Variants in LIG3 observed in about 807,000 individuals in gnomAD.
The protein encoded by LIG3 is DNA ligase 3.
LIG3 carries 58 observed loss-of-function variants against 110.9 expected under a neutral mutation model. The observed-to-expected ratio is 0.52, with a 90% CI of 0.42 to 0.65. The LOEUF (loss-of-function observed/expected upper bound fraction) is 0.65, where lower values mean the gene tolerates loss of function less well. Ranked by LOEUF, LIG3 falls within the 30% of genes least tolerant of loss-of-function variation. The pLI is 0.00. For synonymous variants in LIG3, 422 were observed against 472.8 expected, an observed-to-expected ratio of 0.89 and a Z score of 1.39; for missense variants, 1,094 against 1,273.8, an observed-to-expected ratio of 0.86 and a Z score of 2.15.
intron 14 of LIG3, 56 bp from the exon 15 acceptor site, chr17:34,999,251 T>C: frequency 6.4e-7 from 1 of 1,565,852 alleles, no homozygotes; most frequent in Non-Finnish European, 8.7e-7. Context: ...CCTGGGCTCT[T>C]GGGACTGGCA....
intron 2 of LIG3, among the ~76,000 whole-genome samples, chr17:34,985,732 A>G (rs2090647808): frequency 6.6e-6 from 1 of 152,214 alleles, no homozygotes; most frequent in South Asian, 2.1e-4. Flanking sequence ...GAGAATGTTG[A>G]TGAAAATTTA....
intron 18 of LIG3, 118 bp downstream of exon 18, chr17:35,002,222 G>A (rs1239043283): frequency 9.1e-6 from 8 of 883,864 alleles, no homozygotes; most frequent in Non-Finnish European, 1.3e-5. Context: ...TGTGTCCACT[G>A]CAGTGGACAC....
chr17:35,003,184 G>A, intron 19 of LIG3: 1 of 1,507,094 alleles, frequency 6.6e-7, no homozygotes, highest in East Asian at 2.5e-5. Context: ...GTGGAAGCAG[G>A]TCCAGCAAGC....
At chr17:34,999,630 G>A in intron 15 of LIG3, 152 bp from the exon 16 acceptor site, 1 of 1,023,886 alleles carries the variant, frequency 9.8e-7, no homozygotes, top group Non-Finnish European at 1.4e-6. Context: ...TGGCTTGCAT[G>A]CCTCTAGGTC....
chr17:34,982,461 A>C (rs1010811112), intron 1 of LIG3, among the ~76,000 whole-genome samples: 11 of 152,096 alleles, frequency 7.2e-5, no homozygotes, highest in Admixed American at 2.6e-4. Context: ...CCTGACCAAC[A>C]AGAAGAAACC....
chr17:35,003,487 G>A (rs750881992), intron 19 of LIG3: 1 of 178,948 alleles, frequency 5.6e-6, no homozygotes, highest in Non-Finnish European at 1.2e-5. Flanking sequence ...GCTAATTTTT[G>A]TATTTTTAGT....
Position 35,004,777 on chromosome 17 carries a change from C to T in LIG3, c.*271C>T. ...TTCTTTGAAAAGCAGCTTAGTTACCCTTTTTATAAATAAAATATCTTGCAG... is the reference window on the plus strand; with the variant it reads ...TTCTTTGAAAAGCAGCTTAGTTACCTTTTTTATAAATAAAATATCTTGCAG... On this transcript the variant is annotated 3_prime_UTR_variant, in exon 20 of 20. Coordinates refer to ENST00000378526, the MANE Select transcript of LIG3 (RefSeq NM_013975.4). 2.3e-6 allele frequency: 1 copy of T among 439,164 alleles called. No homozygotes were observed. Among genetic ancestry groups the T allele is most frequent in the South Asian group, 3.4e-5 (1 of 28,996 alleles). 27.2% of individuals were successfully genotyped at this position (439,164 alleles called of 1,614,324 possible).
chr17:34,997,408 T>G, intron 11 of LIG3: 1 of 256,768 alleles, frequency 3.9e-6, no homozygotes, highest in Admixed American at 4.3e-5. Context: ...GTGCAGGGGA[T>G]AAAAAATGAG....
chr17:35,002,530 A>G (rs139080691), intron 18 of LIG3, 138 bp from the exon 19 acceptor site: 2 of 849,066 alleles, frequency 2.4e-6, no homozygotes, highest in African/African-American at 1.7e-5. Flanking sequence ...ACAGGGTCTC[A>G]CTCTGTCATC....
Position 35,005,793 on chromosome 17 carries a change from G to A in LIG3, c.*1287G>A. The A allele has an allele frequency of 1.9e-6, 1 of 521,290 alleles. No homozygotes were observed. The highest frequency in any genetic ancestry group is 3.8e-6 in the Non-Finnish European group (1 of 261,774). 32.3% of individuals were successfully genotyped at this position (521,290 alleles called of 1,614,324 possible). A position where few individuals can be genotyped will look rare whatever the true frequency, so the allele number is the denominator to read the frequency against. On this transcript the variant is annotated 3_prime_UTR_variant, in exon 20 of 20. Coordinates refer to ENST00000378526, the MANE Select transcript of LIG3 (RefSeq NM_013975.4). ...TACTGGATTTGCTCCTGTCAATGAAGTTCTAAAGGCTGTACCAATCCTCCA... is the reference window on the plus strand; with the variant it reads ...TACTGGATTTGCTCCTGTCAATGAAATTCTAAAGGCTGTACCAATCCTCCA...
intron 19 of LIG3, chr17:35,003,027 T>C (rs748618224): frequency 1.9e-6 from 3 of 1,614,082 alleles, no homozygotes; most frequent in Admixed American, 3.3e-5. Flanking sequence ...GAGGAAGAAC[T>C]GTGCCAGCAG....
Position 34,991,063 on chromosome 17 carries a change from C to T in LIG3, c.990C>T (p.Phe330=). 1 of 1,614,160 alleles carries T rather than the reference C, an allele frequency of 6.2e-7. No homozygotes were observed. The highest frequency in any genetic ancestry group is 8.5e-7 in the Non-Finnish European group (1 of 1,180,020). The change falls in exon 5 of 20, where the codon TTC becomes TTT. Residue 330 remains phenylalanine (F), a synonymous_variant. Transcript: ENST00000378526. ...NLNDKQIVKL[F]SRIFNCNPDD... is the part of the protein sequence containing the mutation. Reference sequence around the variant, plus strand: ...ACGATAAGCAGATTGTGAAGCTTTTCAGTCGCATTTTTAACTGCAACCCAG... The same window carrying T: ...ACGATAAGCAGATTGTGAAGCTTTTTAGTCGCATTTTTAACTGCAACCCAG...
intron 4 of LIG3, among the ~76,000 whole-genome samples, chr17:34,990,081 C>T (rs995809631): frequency 1.3e-5 from 2 of 152,160 alleles, no homozygotes; most frequent in African/African-American, 4.8e-5. Context: ...TCTCTGATGT[C>T]CTTGTCACTG....
At chr17:34,990,605 G>T (rs551443989) in intron 4 of LIG3, among the ~76,000 whole-genome samples, 1 of 150,872 alleles carries the variant, frequency 6.6e-6, no homozygotes, top group East Asian at 2.0e-4. Flanking sequence ...ATTTATTTTT[G>T]TGTGTGTGTG....
chr17:35,009,426 A>G lies in LIG3; in HGVS notation c.*4920A>G, dbSNP rs2090920743. Reference sequence around the variant, plus strand: ...TCAGCAAAAGCTACGGAATAATTCTAAGAATTAGATGTTTCCATATCATTA... The same window carrying G: ...TCAGCAAAAGCTACGGAATAATTCTGAGAATTAGATGTTTCCATATCATTA... On this transcript the variant is annotated 3_prime_UTR_variant, in exon 20 of 20. Transcript: ENST00000378526. The G allele has an allele frequency of 1.3e-5, 2 of 152,208 alleles. No individual in the cohort carries two copies. Among genetic ancestry groups the G allele is most frequent in the African/African-American group, 4.8e-5 (2 of 41,446 alleles). The allele number at this position is 152,208 out of a possible 1,614,324, so 9.4% of individuals were successfully genotyped here.
At chr17:34,995,262 T>A (rs2090766435) in intron 9 of LIG3, among the ~76,000 whole-genome samples, 1 of 152,178 alleles carries the variant, frequency 6.6e-6, no homozygotes. Flanking sequence ...TTTCATATGT[T>A]CAAGAGGAAG....
At chr17:34,999,648 C>G (rs2090818610) in intron 15 of LIG3, 134 bp from the exon 16 acceptor site, 1 of 1,073,948 alleles carries the variant, frequency 9.3e-7, no homozygotes, top group Non-Finnish European at 1.4e-6. Context: ...GTCATACCCA[C>G]TCTGGGCTGG....
rs34477990 is a variant in LIG3 at position 35,005,943 on chromosome 17, AT to A, written c.*1448del. ...ATCAGAGAGACAAGTTTATCACAGT[AT>A]TTTTTTTTTTCCTGCTGACCTATTG... On this transcript the variant is annotated 3_prime_UTR_variant, in exon 20 of 20. Transcript: ENST00000378526. The A allele has an allele frequency of 0.24, 60,252 of 247,754 alleles. 8,586 individuals are homozygous for A. Among genetic ancestry groups the A allele is most frequent in the African/African-American group, 0.57 (25,092 of 44,154 alleles). The allele number at this position is 247,754 out of a possible 1,614,324, so 15.3% of individuals were successfully genotyped here.
Position 35,004,674 on chromosome 17 carries a change from C to A in LIG3, c.*168C>A. On this transcript the variant is annotated 3_prime_UTR_variant, in exon 20 of 20. Transcript: ENST00000378526. ...GACCAGGAATTAGTTGCTGTGGGTG[C>A]CACAGCTGAAGTCAGTTTGTCTTGC... 1 of 599,974 alleles carries A rather than the reference C, an allele frequency of 1.7e-6. No homozygotes were observed. Among genetic ancestry groups the A allele is most frequent in the African/African-American group, 1.9e-5 (1 of 54,012 alleles). 37.2% of individuals were successfully genotyped at this position (599,974 alleles called of 1,614,324 possible).
Sources: gnomAD v4.1 joint callset for allele counts (sites outside exome capture counted in the v4.1 genomes callset) on GRCh38, gnomAD v4.1.1 for gene constraint, MANE v1.5 for transcripts, NCBI Gene and HGNC (gene_info 2026-07-23, HGNC 2026-07-21) for gene names.